Variants in NT5C2 observed in about 807,000 individuals in gnomAD.
NT5C2 encodes the protein cytosolic purine 5'-nucleotidase.
In NT5C2, 58 loss-of-function variants were observed where a neutral mutation model predicts 76.1. That is an observed-to-expected ratio of 0.76 (90% CI 0.62 to 0.95). The LOEUF (loss-of-function observed/expected upper bound fraction) is 0.95, where lower values mean the gene tolerates loss of function less well. NT5C2 is among the 40% of genes least tolerant of loss of function. The pLI is 0.00. For synonymous variants in NT5C2, 229 were observed against 237.4 expected (o/e 0.96, Z 0.32); for missense variants, 478 against 690.3 (o/e 0.69, Z 3.45).
intron 13 of NT5C2, 55 bp from the exon 14 acceptor site, chr10:103,094,093 C>T: frequency 6.9e-7 from 1 of 1,445,728 alleles, no homozygotes; most frequent in Non-Finnish European, 9.7e-7. Context: ...CAATCCTCCC[C>T]TCACCCCACA....
chr10:103,138,610 C>G (rs1238517634), intron 4 of NT5C2, among the ~76,000 whole-genome samples: 1 of 152,192 alleles, frequency 6.6e-6, no homozygotes, highest in Non-Finnish European at 1.5e-5. Flanking sequence ...AAGGCACAAA[C>G]TCATTCCTTT....
chr10:103,176,087 A>C (rs2089858878), intron 2 of NT5C2: 1 of 174,412 alleles, frequency 5.7e-6, no homozygotes, highest in Admixed American at 5.6e-5. Context: ...AGTGCTGAGC[A>C]GAATGAGGAG....
At chr10:103,101,407 T>G (rs113339965) in intron 6 of NT5C2, 81 bp from the exon 7 acceptor site, 7 of 804,576 alleles carry the variant, frequency 8.7e-6, no homozygotes, top group African/African-American at 3.4e-5. Context: ...AAAAATTAAC[T>G]CAAATATTTT....
chr10:103,098,878 C>T, intron 10 of NT5C2, 53 bp downstream of exon 10: 1 of 1,229,048 alleles, frequency 8.1e-7, no homozygotes, highest in Non-Finnish European at 1.2e-6. Context: ...ATTAATTTCC[C>T]TAATAGGTAA....
intron 4 of NT5C2, among the ~76,000 whole-genome samples, chr10:103,139,021 C>A (rs560676821): frequency 6.6e-6 from 1 of 151,122 alleles, no homozygotes; most frequent in East Asian, 1.9e-4. Context: ...AAAAAAAAAA[C>A]TAAAATTTTT....
At chr10:103,182,121 G>A (rs1298830298) in intron 1 of NT5C2, among the ~76,000 whole-genome samples, 1 of 152,048 alleles carries the variant, frequency 6.6e-6, no homozygotes, top group Non-Finnish European at 1.5e-5. Context: ...TCTTTAAAAA[G>A]TCATTTTACA....
At chr10:103,132,694 C>T (rs909358786) in intron 4 of NT5C2, among the ~76,000 whole-genome samples, 10 of 151,930 alleles carry the variant, frequency 6.6e-5, no homozygotes, top group African/African-American at 1.5e-4. Context: ...TCGGTACAGG[C>T]GCCCGCCACC....
At chr10:103,111,541 T>A (rs1437169103) in intron 4 of NT5C2, among the ~76,000 whole-genome samples, 1 of 152,212 alleles carries the variant, frequency 6.6e-6, no homozygotes, top group Non-Finnish European at 1.5e-5. Context: ...ATGCTGTTCA[T>A]ACAAGATAGA....
chr10:103,183,262 GATATATATAT>G (rs201371414), intron 1 of NT5C2, among the ~76,000 whole-genome samples: 55 of 73,370 alleles, frequency 7.5e-4, no homozygotes, highest in East Asian at 3.1e-3. Context: ...GTGTGTGTGT[GATATATATAT>G]ATATATATAT....
chr10:103,188,570 T>C (rs76701305), intron 1 of NT5C2, among the ~76,000 whole-genome samples: 4 of 152,314 alleles, frequency 2.6e-5, no homozygotes, highest in African/African-American at 4.8e-5. Flanking sequence ...AATGAAGGCA[T>C]TGAACGTGGA....
At chr10:103,127,520 C>T (rs2076892360) in intron 4 of NT5C2, among the ~76,000 whole-genome samples, 1 of 152,180 alleles carries the variant, frequency 6.6e-6, no homozygotes, top group African/African-American at 2.4e-5. Context: ...TGTTACTGAA[C>T]ACTATGTGAC....
At chr10:103,108,778 C>A (rs2072104874) in intron 4 of NT5C2, among the ~76,000 whole-genome samples, 1 of 152,060 alleles carries the variant, frequency 6.6e-6, no homozygotes, top group African/African-American at 2.4e-5. Context: ...AGAAAAAAAC[C>A]ATCTTTATTT....
chr10:103,175,537 C>G (rs968336075), intron 2 of NT5C2: 3 of 182,848 alleles, frequency 1.6e-5, no homozygotes, highest in Non-Finnish European at 3.5e-5. Flanking sequence ...CTGGCTACCC[C>G]CCAGCAGACC....
Position 103,179,535 on chromosome 10 carries a change from C to A in NT5C2, c.-25+1650G>T, listed in dbSNP as rs1350803182. ...GGGATTACAGGTGCACACCACCATGCCCGGCTAATTTTTTGTATTTAGTAA... is the reference window on the plus strand; with the variant it reads ...GGGATTACAGGTGCACACCACCATGACCGGCTAATTTTTTGTATTTAGTAA... On this transcript the variant is annotated intron_variant, in intron 2 of 18. Coordinates refer to ENST00000404739, the MANE Select transcript of NT5C2 (RefSeq NM_001351169.2). 3.9e-5 allele frequency among the ~76,000 whole-genome samples: 6 copies of A among 152,116 alleles called. No homozygotes were observed. In the South Asian group the frequency reaches 1.2e-3, roughly 32 times the overall value.
At chr10:103,153,475 T>C in intron 3 of NT5C2, 1 of 985,408 alleles carries the variant, frequency 1.0e-6, no homozygotes, top group South Asian at 4.7e-5. Context: ...CAGTGACCAA[T>C]ATCCTCAGCT....
At chr10:103,189,738 G>C (rs2092460888) in intron 1 of NT5C2, among the ~76,000 whole-genome samples, 1 of 150,266 alleles carries the variant, frequency 6.7e-6, no homozygotes, top group Admixed American at 6.6e-5. Context: ...GCACGATATA[G>C]GCTCACTGCA....
chr10:103,139,514 T>C, intron 3 of NT5C2, 35 bp from the exon 4 acceptor site: 2 of 1,322,106 alleles, frequency 1.5e-6, no homozygotes, highest in Middle Eastern at 1.9e-4. Flanking sequence ...ATCTCAACAC[T>C]GGAAAATAAA....
intron 4 of NT5C2, chr10:103,124,899 T>TTTAATATAA (rs2076379730): frequency 2.0e-5 from 3 of 148,468 alleles, no homozygotes; most frequent in African/African-American, 7.3e-5. Flanking sequence ...TGTAATTATA[T>TTTAATATAA]TTAATATAAT....
intron 1 of NT5C2, among the ~76,000 whole-genome samples, chr10:103,182,981 T>C (rs534065275): frequency 2.1e-4 from 32 of 152,188 alleles, no homozygotes; most frequent in South Asian, 1.2e-3. Context: ...TTTGGTTTTA[T>C]CATTATATTG....
Sources: allele counts gnomAD v4.1 joint callset (sites outside exome capture counted in the v4.1 genomes callset), GRCh38; gene constraint gnomAD v4.1.1; transcripts MANE v1.5; gene names NCBI Gene and HGNC (gene_info 2026-07-23, HGNC 2026-07-21).